Variants in NRG3 observed in about 807,000 individuals in gnomAD.
The protein encoded by NRG3 is pro-neuregulin-3, membrane-bound isoform.
A neutral mutation model predicts 66.9 loss-of-function variants in NRG3; 31 were observed. The ratio of observed to expected loss-of-function variants is 0.46; its 90% confidence interval spans 0.35 to 0.63. The LOEUF is 0.63. NRG3 is among the 20% of genes least tolerant of loss of function. The probability of loss-of-function intolerance (pLI) is 0.00; values close to 1 mark genes in which losing one functional copy is unlikely to be tolerated. For synonymous variants in NRG3, 393 were observed against 359.4 expected (o/e 1.09, Z -1.06); for missense variants, 910 against 878.9 (o/e 1.04, Z -0.45).
At chr10:82,413,422 A>T (rs2136174927) in intron 2 of NRG3, among the ~76,000 whole-genome samples, 1 of 152,294 alleles carries the variant, frequency 6.6e-6, no homozygotes, top group African/African-American at 2.4e-5. Flanking sequence ...CTGTAAACAG[A>T]TATGCTGCCA....
intron 1 of NRG3, among the ~76,000 whole-genome samples, chr10:81,976,161 C>T (rs773838775): frequency 1.3e-5 from 2 of 152,084 alleles, no homozygotes; most frequent in African/African-American, 4.8e-5. Context: ...CTAATATACC[C>T]ACTTGAGGGG....
rs1318433913 is a variant in NRG3, at chr10:82,892,948, ATG to A, written c.1054+27519_1054+27520del. Among the ~76,000 whole-genome samples the A allele has an allele frequency of 3.9e-5, 6 of 152,142 alleles. No individual in the cohort carries two copies. The East Asian group carries it at 1.2e-3, about 29-fold the overall frequency. On this transcript the variant is annotated intron_variant, in intron 4 of 8. Transcript: ENST00000372141. Reference sequence around the variant, plus strand: ...CCTCAAAATATATAAAGGTAAAAATATGTGTGTGTATATTCCTGTAACTATGA... The same window carrying A: ...CCTCAAAATATATAAAGGTAAAAATATGTGTGTATATTCCTGTAACTATGA...
intron 1 of NRG3, among the ~76,000 whole-genome samples, chr10:82,193,842 C>T (rs1221872289): frequency 3.9e-5 from 6 of 152,050 alleles, no homozygotes; most frequent in South Asian, 4.2e-4. Flanking sequence ...TAGTCATTAC[C>T]GTAGATATAA....
chr10:81,977,024 C>G (rs888921651), intron 1 of NRG3, among the ~76,000 whole-genome samples: 2 of 152,098 alleles, frequency 1.3e-5, no homozygotes, highest in African/African-American at 4.8e-5. Context: ...AAGTTTAGCA[C>G]AAATACAACA....
At chr10:82,927,989 A>G (rs1847179722) in intron 4 of NRG3, among the ~76,000 whole-genome samples, 1 of 152,164 alleles carries the variant, frequency 6.6e-6, no homozygotes. Context: ...GTGTCTCCAT[A>G]TCCTCTCCAG....
chr10:82,058,784 A>G (rs2063977202), intron 1 of NRG3, among the ~76,000 whole-genome samples: 1 of 152,130 alleles, frequency 6.6e-6, no homozygotes, highest in African/African-American at 2.4e-5. Context: ...AAAACCCTAA[A>G]TCTAGGCACT....
At chr10:82,749,495 C>T (rs187668006) in intron 3 of NRG3, among the ~76,000 whole-genome samples, 1 of 152,280 alleles carries the variant, frequency 6.6e-6, no homozygotes, top group Non-Finnish European at 1.5e-5. Flanking sequence ...GTTCTTATCA[C>T]TCCTATAAGG....
At chr10:82,468,548 G>T (rs1281254834) in intron 2 of NRG3, among the ~76,000 whole-genome samples, 1 of 152,174 alleles carries the variant, frequency 6.6e-6, no homozygotes, top group Non-Finnish European at 1.5e-5. Flanking sequence ...TCTCAGCATT[G>T]AGGAGAGATT....
chr10:82,831,722 G>A (rs111866855), intron 3 of NRG3, among the ~76,000 whole-genome samples: 5 of 152,306 alleles, frequency 3.3e-5, no homozygotes, highest in African/African-American at 7.2e-5. Flanking sequence ...GCTGAGGCAG[G>A]AGGATTGCTT....
At chr10:82,948,010 A>AT (rs1182456372) in intron 4 of NRG3, among the ~76,000 whole-genome samples, 1 of 151,894 alleles carries the variant, frequency 6.6e-6, no homozygotes, top group African/African-American at 2.4e-5. Flanking sequence ...TGGCACTAAG[A>AT]TTTTTTCCTA....
intron 1 of NRG3, among the ~76,000 whole-genome samples, chr10:82,314,663 A>G (rs1040825317): frequency 3.6e-4 from 54 of 151,690 alleles, no homozygotes; most frequent in Non-Finnish European, 5.2e-4. Flanking sequence ...TTAAAAAATT[A>G]GCCGGGCATG....
In NRG3 at chr10:82,471,301, C is replaced by A. The variant is rs143941608; in HGVS notation, c.953+112433C>A. ...GCCTCTCCCCTACAAACGGTCCGAA[C>A]TTCCCACGGCTCCACCCCATTCTCC... On this transcript the variant is annotated intron_variant, in intron 2 of 8. Transcript: ENST00000372141. Among the ~76,000 whole-genome samples, 35 of 152,240 alleles carry A rather than the reference C, an allele frequency of 2.3e-4. No homozygotes were observed. The East Asian group carries it at 2.9e-3, about 13-fold the overall frequency.
At chr10:82,523,192 G>A (rs955238383) in intron 2 of NRG3, among the ~76,000 whole-genome samples, 3 of 152,028 alleles carry the variant, frequency 2.0e-5, no homozygotes, top group African/African-American at 7.2e-5. Flanking sequence ...TCACATTTTG[G>A]CTATTATGAA....
At chr10:81,926,863 C>A (rs1846846116) in intron 1 of NRG3, among the ~76,000 whole-genome samples, 2 of 152,116 alleles carry the variant, frequency 1.3e-5, no homozygotes, top group Non-Finnish European at 1.5e-5. Context: ...TTTAACTACT[C>A]TGAATCTCAG....
intron 1 of NRG3, among the ~76,000 whole-genome samples, chr10:81,888,825 T>C (rs1379685217): frequency 4.6e-5 from 7 of 152,098 alleles, no homozygotes; most frequent in African/African-American, 1.7e-4. Flanking sequence ...ACAATATCTG[T>C]GGTATTTTCA....
chr10:82,814,743 A>T (rs1216136241), intron 3 of NRG3, among the ~76,000 whole-genome samples: 1 of 152,234 alleles, frequency 6.6e-6, no homozygotes, highest in Non-Finnish European at 1.5e-5. Flanking sequence ...TGTATAATTT[A>T]AAAAGCACTT....
intron 2 of NRG3, among the ~76,000 whole-genome samples, chr10:82,670,878 C>T (rs987064305): frequency 1.3e-5 from 2 of 152,186 alleles, no homozygotes; most frequent in African/African-American, 4.8e-5. Context: ...CTGATTGCAA[C>T]CTGGCATCTC....
chr10:82,285,562 GTAT>G (rs1252265633), intron 1 of NRG3, among the ~76,000 whole-genome samples: 4 of 152,156 alleles, frequency 2.6e-5, no homozygotes, highest in Non-Finnish European at 5.9e-5. Context: ...GAAGGGATAG[GTAT>G]TATTTAATAG....
intron 2 of NRG3, among the ~76,000 whole-genome samples, chr10:82,613,668 C>T (rs972941213): frequency 6.6e-6 from 1 of 151,364 alleles, no homozygotes; most frequent in Admixed American, 6.6e-5. Context: ...TTTAAAGTGC[C>T]ATTTATTTTT....
Sources: gnomAD v4.1 joint callset for allele counts (sites outside exome capture counted in the v4.1 genomes callset) on GRCh38, gnomAD v4.1.1 for gene constraint, MANE v1.5 for transcripts, NCBI Gene and HGNC (gene_info 2026-07-23, HGNC 2026-07-21) for gene names.